The following IQGAP2 variants were observed in gnomAD, a reference collection of about 807,000 sequenced individuals.
The protein encoded by IQGAP2 is IQ motif containing GTPase activating protein 2.
A neutral mutation model predicts 201.3 loss-of-function variants in IQGAP2; 173 were observed. The observed-to-expected ratio is 0.86, with a 90% CI of 0.76 to 0.98. IQGAP2 has a LOEUF of 0.98. Ranked by LOEUF, IQGAP2 falls within the 50% of genes least tolerant of loss-of-function variation. The pLI is 0.00. For synonymous variants in IQGAP2, 675 were observed against 673.9 expected (o/e 1.00, Z -0.03); for missense variants, 1,687 against 1,864.8 (o/e 0.90, Z 1.76).
intron 5 of IQGAP2, among the ~76,000 whole-genome samples, chr5:76,577,024 A>C (rs1349984142): frequency 6.6e-6 from 1 of 152,212 alleles, no homozygotes; most frequent in Non-Finnish European, 1.5e-5. Flanking sequence ...GAATGATAAC[A>C]CTATAGTTAG....
At chr5:76,623,230 T>G in intron 13 of IQGAP2, 1 of 1,614,176 alleles carries the variant, frequency 6.2e-7, no homozygotes, top group Non-Finnish European at 8.5e-7. Context: ...AGGGCTTTCA[T>G]TTTGATGACC....
intron 2 of IQGAP2, among the ~76,000 whole-genome samples, chr5:76,552,156 T>C (rs1420628649): frequency 1.3e-5 from 2 of 152,228 alleles, no homozygotes; most frequent in Non-Finnish European, 2.9e-5. Context: ...ATAGATCTAT[T>C]GTCCCATCCT....
chr5:76,689,126 A>T (rs1215369430), intron 30 of IQGAP2, among the ~76,000 whole-genome samples: 1 of 151,192 alleles, frequency 6.6e-6, no homozygotes, highest in Non-Finnish European at 1.5e-5. Flanking sequence ...ATATCGGAGT[A>T]GGAAGAAACA....
intron 21 of IQGAP2, among the ~76,000 whole-genome samples, chr5:76,662,200 C>T (rs967155438): frequency 3.9e-5 from 6 of 152,190 alleles, no homozygotes; most frequent in Admixed American, 6.5e-5. Context: ...ATTGCTGTGC[C>T]GGGCTCTGTC....
chr5:76,683,984 G>A (rs926164233), intron 30 of IQGAP2, 67 bp downstream of exon 30: 3 of 1,383,604 alleles, frequency 2.2e-6, no homozygotes, highest in Non-Finnish European at 9.8e-7. Context: ...ATTCAAATGA[G>A]GCTAAATCCC....
intron 1 of IQGAP2, among the ~76,000 whole-genome samples, chr5:76,435,314 T>C (rs1752593991): frequency 1.3e-5 from 2 of 152,122 alleles, no homozygotes; most frequent in African/African-American, 2.4e-5. Context: ...TTTTCTCCTA[T>C]AATTTTTATG....
At position 76,496,746 on chromosome 5, in the gene IQGAP2, TTTCTTTCTTTCTTTC is replaced by T. The variant is rs1561416335; in HGVS notation, c.146+35080_146+35094del. On this transcript the variant is annotated intron_variant, in intron 2 of 35. Transcript: ENST00000274364. ...TTTCTTTTCTTTCTTTCTTTCTTTC[TTTCTTTCTTTCTTTC>T]TTTCTTTCTTTCTTTCTTTCTTTCT... Among the ~76,000 whole-genome samples, 100 of 56,916 alleles carry T rather than the reference TTTCTTTCTTTCTTTC, an allele frequency of 1.8e-3. 4 individuals carry two copies. Among genetic ancestry groups the T allele is most frequent in the Non-Finnish European group, 1.9e-3 (55 of 28,834 alleles). The allele number at this position is 56,916 out of a possible 152,430, so 37.3% of individuals were successfully genotyped here.
At chr5:76,664,717 G>A (rs879353433) in intron 21 of IQGAP2, among the ~76,000 whole-genome samples, 6 of 152,010 alleles carry the variant, frequency 3.9e-5, no homozygotes, top group African/African-American at 9.6e-5. Context: ...ACAGCGCCCC[G>A]TAATAGATAG....
At chr5:76,555,495 T>C (rs1743879003) in intron 2 of IQGAP2, among the ~76,000 whole-genome samples, 1 of 152,234 alleles carries the variant, frequency 6.6e-6, no homozygotes, top group African/African-American at 2.4e-5. Context: ...TCCATTGTGA[T>C]TGTTACAGGA....
chr5:76,432,344 C>T (rs1204583274), intron 1 of IQGAP2, among the ~76,000 whole-genome samples: 3 of 151,930 alleles, frequency 2.0e-5, no homozygotes, highest in Admixed American at 1.3e-4. Flanking sequence ...AGGCTGGTCT[C>T]GAACTCCTGA....
intron 2 of IQGAP2, among the ~76,000 whole-genome samples, chr5:76,526,195 T>G (rs570428157): frequency 6.6e-6 from 1 of 152,336 alleles, no homozygotes; most frequent in African/African-American, 2.4e-5. Flanking sequence ...GAGACCTACT[T>G]TGTACAGTTG....
Position 76,637,033 on chromosome 5 carries a change from G to T in IQGAP2, c.1781-1G>T, listed in dbSNP as rs1386454370. The T allele has an allele frequency of 1.3e-6, 2 of 1,592,020 alleles. No individual in the cohort carries two copies. Among genetic ancestry groups the T allele is most frequent in the African/African-American group, 2.7e-5 (2 of 73,584 alleles). On this transcript the variant is annotated splice_acceptor_variant, in intron 15 of 35. Coordinates refer to ENST00000274364, the MANE Select transcript of IQGAP2 (RefSeq NM_006633.5). LOFTEE classifies it high-confidence loss of function. ...AGAATTTAACAAACTTTTTTCTTTA[G>T]TGTCTAGTGACGGTTCATGGCTCAA...
At position 76,671,917 on chromosome 5, in the gene IQGAP2, A is replaced by G. The variant is rs773126027; in HGVS notation, c.3002A>G (p.Asn1001Ser). The part of the protein sequence containing the change: ...EIIDDKSLII[N>S]TNPVEVYKAW... ...ATCGACGACAAGTCGCTGATTATCA[A>G]CACAAACCCTGTAGAGGTGTACAAG... Residue 1001 changes from asparagine to serine, a missense_variant, in exon 24 of 36, where the codon AAC (asparagine) becomes AGC (serine). Asn to Ser is a conservative substitution (Grantham distance 46). Coordinates refer to ENST00000274364, the MANE Select transcript of IQGAP2 (RefSeq NM_006633.5). 14 of 1,614,074 alleles carry G rather than the reference A, an allele frequency of 8.7e-6. No homozygotes were observed. The highest frequency in any genetic ancestry group is 8.3e-5 in the Admixed American group (5 of 60,008).
chr5:76,404,831 T>C (rs184026758), intron 1 of IQGAP2, among the ~76,000 whole-genome samples: 316 of 151,084 alleles, frequency 2.1e-3, no homozygotes, highest in African/African-American at 6.8e-3. Context: ...CAGCAGAGCC[T>C]CTTGGGTTCA....
Position 76,590,518 on chromosome 5 carries a change from C to G in IQGAP2, c.751C>G (p.Leu251Val). ...GGTTTTAACTTTAGTGGATGACAACCTTGCACCAGAATATCAGAAAGAACT... is the reference window on the plus strand; with the variant it reads ...GGTTTTAACTTTAGTGGATGACAACGTTGCACCAGAATATCAGAAAGAACT... ...NAVLTLVDDN[L>V]APEYQKELWD... The change falls in exon 8 of 36, where the codon CTT (leucine) becomes GTT (valine). Residue 251 changes from leucine (L) to valine (V), a missense_variant. Leu to Val is a conservative substitution (Grantham distance 32). Transcript: ENST00000274364. 1 of 1,613,722 alleles carries G rather than the reference C, an allele frequency of 6.2e-7. No individual in the cohort carries two copies. Among genetic ancestry groups the G allele is most frequent in the Non-Finnish European group, 8.5e-7 (1 of 1,179,832 alleles).
intron 2 of IQGAP2, among the ~76,000 whole-genome samples, chr5:76,526,047 A>G (rs1274687891): frequency 6.6e-6 from 1 of 152,238 alleles, no homozygotes; most frequent in Non-Finnish European, 1.5e-5. Context: ...CCCCAAAACA[A>G]GAGCTTGTGG....
At chr5:76,556,357 G>A (rs76365530) in intron 2 of IQGAP2, among the ~76,000 whole-genome samples, 4 of 151,952 alleles carry the variant, frequency 2.6e-5, no homozygotes, top group Non-Finnish European at 1.5e-5. Context: ...AGATGGAGCC[G>A]CCATCTTGAA....
chr5:76,547,578 AC>A (rs1743174174), intron 2 of IQGAP2: 1 of 194,304 alleles, frequency 5.1e-6, no homozygotes, highest in African/African-American at 2.4e-5. Context: ...GTGTAGACAA[AC>A]CCAGGAAGGA....
At chr5:76,636,485 T>C (rs949762590) in intron 15 of IQGAP2, among the ~76,000 whole-genome samples, 3 of 152,222 alleles carry the variant, frequency 2.0e-5, no homozygotes, top group Admixed American at 1.3e-4. Context: ...ACCAGGAATT[T>C]TCTTTTTCCC....
Sources: allele counts gnomAD v4.1 joint callset (sites outside exome capture counted in the v4.1 genomes callset), GRCh38; gene constraint gnomAD v4.1.1; transcripts MANE v1.5; gene names NCBI Gene and HGNC (gene_info 2026-07-23, HGNC 2026-07-21).